The following CDH4 variants were observed in gnomAD, a reference collection of about 807,000 sequenced individuals.
The protein encoded by CDH4 is cadherin 4.
CDH4 carries 33 observed loss-of-function variants against 86.0 expected under a neutral mutation model. The observed-to-expected ratio is 0.38, with a 90% CI of 0.29 to 0.51. The LOEUF (loss-of-function observed/expected upper bound fraction) is 0.51. Ranked by LOEUF, CDH4 falls within the 20% of genes least tolerant of loss-of-function variation. The pLI, the probability that CDH4 is intolerant of heterozygous loss-of-function variation, is 0.86. For synonymous variants in CDH4, 555 were observed against 549.4 expected (o/e 1.01, Z -0.14); for missense variants, 1,114 against 1,307.4 (o/e 0.85, Z 2.28).
rs1434302116 is a variant in CDH4, at chr20:61,709,192, G to A, written c.170-34371G>A. ...TCCAGGGGAGTGCAAGCAAATGCAG[G>A]AAACTGGGGCCAGGCTGGGCCACTG... On this transcript the variant is annotated intron_variant, in intron 2 of 15. Transcript: ENST00000614565. The surrounding 1 kb of genome is among the most constrained non-coding windows in gnomAD (Gnocchi z 4.8). Among the ~76,000 whole-genome samples the A allele has an allele frequency of 6.6e-6, 1 of 152,368 alleles. No individual in the cohort carries two copies. The highest frequency in any genetic ancestry group is 1.9e-4 in the East Asian group (1 of 5,188).
chr20:61,544,281 A>G lies in CDH4; in HGVS notation c.170-199282A>G, dbSNP rs924733490. Among the ~76,000 whole-genome samples, 6 of 151,998 alleles carry G rather than the reference A, an allele frequency of 3.9e-5. No homozygotes were observed. The highest frequency in any genetic ancestry group is 1.4e-4 in the African/African-American group (6 of 41,394). On this transcript the variant is annotated intron_variant, in intron 2 of 15. Coordinates refer to ENST00000614565, the MANE Select transcript of CDH4 (RefSeq NM_001794.5). The surrounding 1 kb of genome is among the most constrained non-coding windows in gnomAD (Gnocchi z 6.5). ...GGTACGGCTGACATCGAGCGGGTGG[A>G]GGCTGGGTACGGCTAAACACCCCAC...
intron 2 of CDH4, among the ~76,000 whole-genome samples, chr20:61,394,897 G>C (rs2085008020): frequency 7.2e-6 from 1 of 138,816 alleles, no homozygotes; most frequent in South Asian, 3.3e-4. Flanking sequence ...CCCTGCCCCT[G>C]TCACCCCCAC....
chr20:61,598,468 C>T (rs1242291343), intron 2 of CDH4, among the ~76,000 whole-genome samples: 1 of 152,028 alleles, frequency 6.6e-6, no homozygotes, highest in Non-Finnish European at 1.5e-5. Context: ...CTATCTGTGG[C>T]CTCAGCACTC....
At chr20:61,893,012 G>A (rs1464207307) in intron 7 of CDH4, among the ~76,000 whole-genome samples, 1 of 147,558 alleles carries the variant, frequency 6.8e-6, no homozygotes, top group Non-Finnish European at 1.5e-5. Flanking sequence ...ATGGTGGATG[G>A]GTGGGTGGGA....
At chr20:61,561,443 T>C (rs2086216001) in intron 2 of CDH4, among the ~76,000 whole-genome samples, 1 of 152,276 alleles carries the variant, frequency 6.6e-6, no homozygotes, top group Non-Finnish European at 1.5e-5. Flanking sequence ...AAGCCAGGGC[T>C]GGAGGCCCTG....
chr20:61,912,400 C>A (rs1454140162), intron 9 of CDH4, among the ~76,000 whole-genome samples: 2 of 152,174 alleles, frequency 1.3e-5, no homozygotes, highest in East Asian at 3.9e-4. Context: ...TTCTTAATAA[C>A]CTCTTTTGTA....
chr20:61,500,446 G>A (rs1265321657), intron 2 of CDH4, among the ~76,000 whole-genome samples: 1 of 152,240 alleles, frequency 6.6e-6, no homozygotes, highest in Non-Finnish European at 1.5e-5. Flanking sequence ...GAAACAAAAT[G>A]CAGTGTCTTT....
At chr20:61,416,854 AG>A (rs2085149955) in intron 2 of CDH4, among the ~76,000 whole-genome samples, 1 of 152,168 alleles carries the variant, frequency 6.6e-6, no homozygotes, top group Non-Finnish European at 1.5e-5. Flanking sequence ...ATTTTAATGA[AG>A]GGTATCTTTT....
At chr20:61,513,374 A>C (rs1386239364) in intron 2 of CDH4, among the ~76,000 whole-genome samples, 1 of 152,190 alleles carries the variant, frequency 6.6e-6, no homozygotes, top group Admixed American at 6.5e-5. Context: ...CCCTCTGTTG[A>C]CTTTACACAA....
chr20:61,792,879 G>C (rs562131681), intron 4 of CDH4, among the ~76,000 whole-genome samples: 2 of 152,150 alleles, frequency 1.3e-5, no homozygotes, highest in African/African-American at 4.8e-5. Context: ...TTGAACTCCC[G>C]ACCTTGTGAT....
intron 2 of CDH4, among the ~76,000 whole-genome samples, chr20:61,525,384 C>T (rs944128176): frequency 1.2e-4 from 19 of 152,304 alleles, no homozygotes; most frequent in African/African-American, 4.3e-4. Context: ...CTCCATCACT[C>T]AGGGCCCCCC....
At chr20:61,270,436 G>A (rs1042295568) in intron 2 of CDH4, among the ~76,000 whole-genome samples, 2 of 152,192 alleles carry the variant, frequency 1.3e-5, no homozygotes, top group Non-Finnish European at 2.9e-5. Context: ...TGGAATACCA[G>A]TGCTGGGCCG....
rs1334901565 is a variant in CDH4 at position 61,735,415 on chromosome 20, C to T, written c.170-8148C>T. ...TCCCCATTAGTGCTCACTCCCCCACCCTCCTCTGTTTCTTATACCCCCCTG... is the reference window on the plus strand; with the variant it reads ...TCCCCATTAGTGCTCACTCCCCCACTCTCCTCTGTTTCTTATACCCCCCTG... On this transcript the variant is annotated intron_variant, in intron 2 of 15. Transcript: ENST00000614565. Among the ~76,000 whole-genome samples the T allele has an allele frequency of 2.6e-5, 4 of 152,204 alleles. No individual in the cohort carries two copies. The South Asian group carries it at 8.3e-4, about 32-fold the overall frequency.
At chr20:61,326,235 C>T (rs2084536375) in intron 2 of CDH4, among the ~76,000 whole-genome samples, 1 of 152,040 alleles carries the variant, frequency 6.6e-6, no homozygotes, top group Non-Finnish European at 1.5e-5. Flanking sequence ...AGGGCTTAGC[C>T]CAAAGTTTAG....
At chr20:61,920,166 G>A (rs6061895) in intron 9 of CDH4, among the ~76,000 whole-genome samples, 86,682 of 119,668 alleles carry the variant, frequency 0.72, 33,731 homozygotes, top group Non-Finnish European at 0.88. Context: ...TGGAAGCATG[G>A]CGTCACAGTG....
chr20:61,574,464 C>T (rs1274300553), intron 2 of CDH4, among the ~76,000 whole-genome samples: 2 of 152,220 alleles, frequency 1.3e-5, no homozygotes, highest in Non-Finnish European at 2.9e-5. Flanking sequence ...TTACACAGTT[C>T]ACACGTACAG....
At chr20:61,714,128 G>T (rs1433698511) in intron 2 of CDH4, among the ~76,000 whole-genome samples, 1 of 151,582 alleles carries the variant, frequency 6.6e-6, no homozygotes, top group African/African-American at 2.4e-5. Context: ...CTCACTACAA[G>T]CTCTGCCTCC....
intron 2 of CDH4, among the ~76,000 whole-genome samples, chr20:61,414,664 G>C (rs1435885111): frequency 6.6e-6 from 1 of 152,222 alleles, no homozygotes; most frequent in Non-Finnish European, 1.5e-5. Flanking sequence ...ATAAACAGGG[G>C]CTTGCTGGCA....
At chr20:61,809,283 C>A (rs1363235900) in intron 4 of CDH4, among the ~76,000 whole-genome samples, 1 of 151,952 alleles carries the variant, frequency 6.6e-6, no homozygotes, top group Non-Finnish European at 1.5e-5. Flanking sequence ...TGATGTGGTC[C>A]CGGGGATGGT....
Sources: gnomAD v4.1 joint callset for allele counts (sites outside exome capture counted in the v4.1 genomes callset) on GRCh38, gnomAD v4.1.1 for gene constraint, Gnocchi (gnomAD v3.1) non-coding constraint, MANE v1.5 for transcripts, NCBI Gene and HGNC (gene_info 2026-07-23, HGNC 2026-07-21) for gene names.